CNIH3: variants seen among roughly 807,000 people sequenced by gnomAD.
The protein encoded by CNIH3 is protein cornichon homolog 3.
A neutral mutation model predicts 24.1 loss-of-function variants in CNIH3; 14 were observed. The ratio of observed to expected loss-of-function variants is 0.58; its 90% CI spans 0.38 to 0.91. The LOEUF is 0.91. CNIH3 is among the 40% of genes least tolerant of loss of function. CNIH3 has a pLI of 0.00. For synonymous variants in CNIH3, 68 were observed against 73.8 expected (o/e 0.92, Z 0.40); for missense variants, 178 against 196.8 (o/e 0.90, Z 0.57).
chr1:224,450,493 A>G (rs1264333259), intron 1 of CNIH3, among the ~76,000 whole-genome samples: 3 of 152,218 alleles, frequency 2.0e-5, no homozygotes, highest in African/African-American at 7.2e-5. Flanking sequence ...AGAGCATTCC[A>G]GGCAGAGGGA....
At chr1:224,690,692 TG>T in intron 3 of CNIH3, among the ~76,000 whole-genome samples, 1 of 152,218 alleles carries the variant, frequency 6.6e-6, no homozygotes, top group East Asian at 1.9e-4. Context: ...CTGACATTTG[TG>T]AATATAAAAA....
intron 1 of CNIH3, among the ~76,000 whole-genome samples, chr1:224,445,541 A>T (rs1022136541): frequency 1.5e-5 from 2 of 134,576 alleles, no homozygotes; most frequent in African/African-American, 2.8e-5. Flanking sequence ...ATGCCACTGC[A>T]TTCCAGCTTG....
chr1:224,545,767 C>T (rs1441246467), intron 2 of CNIH3, among the ~76,000 whole-genome samples: 1 of 152,146 alleles, frequency 6.6e-6, no homozygotes, highest in Non-Finnish European at 1.5e-5. Context: ...GAACATCAGG[C>T]TTCTAGTCAC....
At chr1:224,566,047 T>A (rs1680568417) in intron 3 of CNIH3, among the ~76,000 whole-genome samples, 1 of 151,670 alleles carries the variant, frequency 6.6e-6, no homozygotes, top group Non-Finnish European at 1.5e-5. Context: ...TTTTTTTTAT[T>A]CTCTCCCCAT....
In CNIH3 at chr1:224,506,023, A is replaced by G. The variant is rs188753765; in HGVS notation, n.204-9718A>G. Among the ~76,000 whole-genome samples, 466 of 152,306 alleles carry G rather than the reference A, an allele frequency of 3.1e-3. 2 individuals carry two copies. The Middle Eastern group carries it at 0.034, about 11-fold the overall frequency. Reference sequence around the variant, plus strand: ...GAAGTATACTCCCTCCCCTGCTCCCAGTTGGAAAGATTGCTCCCAAGACCC... The same window carrying G: ...GAAGTATACTCCCTCCCCTGCTCCCGGTTGGAAAGATTGCTCCCAAGACCC... On this transcript the variant is annotated intron_variant and non_coding_transcript_variant, in intron 1 of 5. Transcript: ENST00000471578.
intron 1 of CNIH3, among the ~76,000 whole-genome samples, chr1:224,636,493 A>G (rs2050627): frequency 0.11 from 16,346 of 152,284 alleles, 1,115 homozygotes; most frequent in South Asian, 0.26. Flanking sequence ...CTTACATCAG[A>G]CAAGCTAGTG....
chr1:224,526,758 G>T lies in CNIH3; in HGVS notation n.343+5431G>T, dbSNP rs185160200. Among the ~76,000 whole-genome samples, 8 of 152,238 alleles carry T rather than the reference G, an allele frequency of 5.3e-5. 1 individual carries two copies. ...GGGTAATTTATAACAGGTTTAACTG[G>T]CCCATGGTTCTGCAGGCTGTACAGG... On this transcript the variant is annotated intron_variant and non_coding_transcript_variant, in intron 2 of 2. Coordinates refer to the CNIH3 transcript ENST00000470602.
At chr1:224,574,808 G>A in intron 4 of CNIH3, 2 of 957,892 alleles carry the variant, frequency 2.1e-6, no homozygotes, top group Non-Finnish European at 3.4e-6. Context: ...TTTTCCCATT[G>A]GATGAGCCAG....
At chr1:224,575,729 C>T (rs1192596775) in intron 4 of CNIH3, among the ~76,000 whole-genome samples, 1 of 151,768 alleles carries the variant, frequency 6.6e-6, no homozygotes, top group African/African-American at 2.4e-5. Context: ...TTCTCTTTAC[C>T]TCAAATAAAT....
chr1:224,539,144 T>G (rs1679413442), downstream of CNIH3, among the ~76,000 whole-genome samples: 1 of 152,202 alleles, frequency 6.6e-6, no homozygotes. Context: ...TAACTAAAAC[T>G]TAGCACACTT....
chr1:224,574,820 T>C (rs1222142174), intron 4 of CNIH3: 24 of 937,064 alleles, frequency 2.6e-5, no homozygotes, highest in Non-Finnish European at 3.9e-5. Context: ...ATGAGCCAGG[T>C]AATGGTAATG....
At chr1:224,652,593 C>T (rs1039265) in intron 1 of CNIH3, among the ~76,000 whole-genome samples, 37,460 of 151,910 alleles carry the variant, frequency 0.25, 4,891 homozygotes, top group East Asian at 0.36. Context: ...GCGTCGGGCC[C>T]CTGATAGGTG....
In CNIH3 at chr1:224,659,609, G is replaced by A. The variant is rs79739821; in HGVS notation, c.82-21349G>A. Among the ~76,000 whole-genome samples, 428 of 152,228 alleles carry A rather than the reference G, an allele frequency of 2.8e-3. 8 individuals are homozygous for A. In the East Asian group the frequency reaches 0.03, roughly 11 times the overall value. The stretch of plus-strand genomic sequence containing the variant: ...ACCTTATAAAGGAAAGAAGAAACCG[G>A]GAAACGAGTACTTTGAGCAGGGGAA... On this transcript the variant is annotated intron_variant, in intron 1 of 5. Transcript: ENST00000272133.
intron 3 of CNIH3, among the ~76,000 whole-genome samples, chr1:224,693,566 T>C (rs183081652): frequency 3.3e-5 from 5 of 152,252 alleles, no homozygotes; most frequent in Admixed American, 2.6e-4. Context: ...CTCAGACACA[T>C]CTCATCCTCC....
chr1:224,589,508 C>T (rs1428482881), downstream of CNIH3, among the ~76,000 whole-genome samples: 1 of 152,180 alleles, frequency 6.6e-6, no homozygotes, highest in African/African-American at 2.4e-5. Flanking sequence ...AAAGCTGACT[C>T]CTAGGGGGTT....
intron 2 of CNIH3, among the ~76,000 whole-genome samples, chr1:224,532,746 G>A (rs1007454344): frequency 6.6e-6 from 1 of 152,142 alleles, no homozygotes; most frequent in Non-Finnish European, 1.5e-5. Context: ...ATAACTGCAG[G>A]AATAATACCA....
chr1:224,457,311 G>T (rs907167731), intron 1 of CNIH3, among the ~76,000 whole-genome samples: 1 of 151,712 alleles, frequency 6.6e-6, no homozygotes, highest in Non-Finnish European at 1.5e-5. Flanking sequence ...GTGTGTGTGT[G>T]TGTGTGTCCG....
At chr1:224,489,592 G>C (rs1677163036) in intron 1 of CNIH3, among the ~76,000 whole-genome samples, 1 of 152,178 alleles carries the variant, frequency 6.6e-6, no homozygotes, top group Admixed American at 6.5e-5. Flanking sequence ...ACTTTAGAAA[G>C]ATGTTTTTAT....
At chr1:224,506,376 C>T (rs564327503) in intron 1 of CNIH3, among the ~76,000 whole-genome samples, 6 of 152,308 alleles carry the variant, frequency 3.9e-5, no homozygotes, top group East Asian at 1.9e-4. Flanking sequence ...TAGCACATTC[C>T]GTTTTTACTG....
Sources: gnomAD v4.1 joint callset for allele counts (sites outside exome capture counted in the v4.1 genomes callset) on GRCh38, gnomAD v4.1.1 for gene constraint, MANE v1.5 for transcripts, NCBI Gene and HGNC (gene_info 2026-07-23, HGNC 2026-07-21) for gene names.